Variants in ASTN2 observed in about 807,000 individuals in gnomAD.
The protein encoded by ASTN2 is astrotactin 2.
ASTN2 carries 54 observed loss-of-function variants against 139.8 expected under a neutral mutation model. The observed-to-expected ratio is 0.39, with a 90% CI of 0.31 to 0.48. ASTN2 has a LOEUF of 0.48. Among genes scored for constraint, ASTN2 ranks in the 20% least tolerant of loss-of-function variants. ASTN2 has a pLI of 0.95. For synonymous variants in ASTN2, 756 were observed against 719.5 expected (o/e 1.05, Z -0.81); for missense variants, 1,565 against 1,725.1 (o/e 0.91, Z 1.64).
chr9:116,909,003 G>A (rs1834241442), intron 10 of ASTN2, among the ~76,000 whole-genome samples: 1 of 152,110 alleles, frequency 6.6e-6, no homozygotes, highest in African/African-American at 2.4e-5. Flanking sequence ...GTGGGATGGT[G>A]GTAGGAACTG....
intron 4 of ASTN2, among the ~76,000 whole-genome samples, chr9:117,134,907 G>A (rs1226896990): frequency 5.9e-5 from 9 of 152,198 alleles, no homozygotes; most frequent in Admixed American, 5.9e-4. Context: ...GCACTATCCA[G>A]TGACGTAACA....
intron 5 of ASTN2, among the ~76,000 whole-genome samples, chr9:117,083,679 G>A (rs1354758470): frequency 6.6e-6 from 1 of 152,162 alleles, no homozygotes; most frequent in Non-Finnish European, 1.5e-5. Context: ...GCGGGTGGGG[G>A]AATCCTGCTG....
chr9:116,837,488 G>A (rs544132848), intron 11 of ASTN2, among the ~76,000 whole-genome samples: 6 of 152,262 alleles, frequency 3.9e-5, no homozygotes, highest in Non-Finnish European at 5.9e-5. Flanking sequence ...GGGCTCCCCC[G>A]AGCTTCTTCC....
At position 116,538,460 on chromosome 9, in the gene ASTN2, C is replaced by T. The variant is rs530519588; in HGVS notation, c.3356-50960G>A. Among the ~76,000 whole-genome samples the T allele has an allele frequency of 2.3e-3, 353 of 151,168 alleles. 6 individuals are homozygous for T. Among genetic ancestry groups the T allele is most frequent in the Middle Eastern group, 0.017 (5 of 294 alleles). On this transcript the variant is annotated intron_variant, in intron 19 of 22. Transcript: ENST00000313400. ...GGCCCATGACTTTGTATTTTAAAAA[C>T]TTTCTTCAGGTGATTCTCATACCCA... is the stretch of plus-strand genomic sequence containing the variant.
chr9:116,803,953 CACCAT>C (rs1382060901), intron 13 of ASTN2, among the ~76,000 whole-genome samples: 1 of 151,968 alleles, frequency 6.6e-6, no homozygotes, highest in Non-Finnish European at 1.5e-5. Context: ...AGGTGTGAGC[CACCAT>C]GCCTGGCTCG....
chr9:116,651,153 G>A (rs1343481968), intron 17 of ASTN2, among the ~76,000 whole-genome samples: 1 of 151,918 alleles, frequency 6.6e-6, no homozygotes, highest in Non-Finnish European at 1.5e-5. Flanking sequence ...CTGACCTCAG[G>A]TAATCCACCC....
chr9:117,214,779 G>A (rs1490177016), intron 2 of ASTN2, 37 bp from the exon 3 acceptor site: 8 of 1,436,716 alleles, frequency 5.6e-6, no homozygotes, highest in Non-Finnish European at 7.3e-6. Flanking sequence ...ATGGGCCACT[G>A]TTCTTTGGAA....
At chr9:116,925,481 G>T (rs963545799) in intron 10 of ASTN2, among the ~76,000 whole-genome samples, 1 of 152,180 alleles carries the variant, frequency 6.6e-6, no homozygotes. Flanking sequence ...GACAAGTCAG[G>T]CTCCTTTTCC....
At chr9:116,647,922 C>T (rs534354670) in intron 17 of ASTN2, among the ~76,000 whole-genome samples, 3 of 152,224 alleles carry the variant, frequency 2.0e-5, no homozygotes, top group South Asian at 4.1e-4. Flanking sequence ...GCGCTTGATG[C>T]GCTCAAGCGA....
At chr9:117,395,787 G>A (rs1213819926) in intron 1 of ASTN2, among the ~76,000 whole-genome samples, 1 of 152,034 alleles carries the variant, frequency 6.6e-6, no homozygotes, top group Admixed American at 6.5e-5. Context: ...ACAAGGTGAG[G>A]GCAAAAAGGA....
At chr9:116,532,272 G>A (rs1008656278) in intron 19 of ASTN2, among the ~76,000 whole-genome samples, 2 of 152,176 alleles carry the variant, frequency 1.3e-5, no homozygotes, top group African/African-American at 4.8e-5. Flanking sequence ...CCCTTTGTCA[G>A]ATGAGTAGAT....
intron 17 of ASTN2, among the ~76,000 whole-genome samples, chr9:116,645,562 A>G (rs1857549325): frequency 6.6e-6 from 1 of 152,082 alleles, no homozygotes; most frequent in African/African-American, 2.4e-5. Context: ...AAAATACCCC[A>G]CAAACCTCAG....
chr9:117,271,467 G>A (rs900680437), intron 2 of ASTN2, among the ~76,000 whole-genome samples: 5 of 152,138 alleles, frequency 3.3e-5, no homozygotes, highest in Non-Finnish European at 7.3e-5. Flanking sequence ...CAAATCTCAT[G>A]TCCTTACATT....
chr9:117,382,101 G>T (rs982749077), intron 1 of ASTN2, among the ~76,000 whole-genome samples: 3 of 152,110 alleles, frequency 2.0e-5, no homozygotes, highest in African/African-American at 7.2e-5. Context: ...TGCTGATGGG[G>T]AATTCTATGC....
chr9:116,969,566 C>T (rs1320051828), intron 10 of ASTN2, among the ~76,000 whole-genome samples: 5 of 152,044 alleles, frequency 3.3e-5, no homozygotes. Context: ...AAACAGAGTG[C>T]ACCAGAGAAA....
In ASTN2 at chr9:116,751,058, C is replaced by G. The variant is rs185417539; in HGVS notation, c.2397-17535G>C. Reference sequence around the variant, plus strand: ...CTGAGCCTCAGGTTTGTCTATAATACCCTACTCCACTCATAGAGAGAGGGC... The same window carrying G: ...CTGAGCCTCAGGTTTGTCTATAATAGCCTACTCCACTCATAGAGAGAGGGC... On this transcript the variant is annotated intron_variant, in intron 13 of 22. Transcript: ENST00000313400. Among the ~76,000 whole-genome samples, 276 of 152,208 alleles carry G rather than the reference C, an allele frequency of 1.8e-3. 2 individuals carry two copies. The highest frequency in any genetic ancestry group is 3.2e-3 in the Non-Finnish European group (220 of 68,026).
chr9:117,286,846 C>T (rs1210119020), intron 2 of ASTN2, among the ~76,000 whole-genome samples: 1 of 152,230 alleles, frequency 6.6e-6, no homozygotes, highest in Non-Finnish European at 1.5e-5. Context: ...CTATAGCTAA[C>T]ATTTTAATAA....
intron 1 of ASTN2, among the ~76,000 whole-genome samples, chr9:117,312,720 C>T (rs75140075): frequency 0.017 from 2,649 of 152,258 alleles, 96 homozygotes; most frequent in African/African-American, 0.06. Flanking sequence ...TCCATATCAG[C>T]TCTGCCATTC....
chr9:116,903,291 A>AT (rs1367970185), intron 10 of ASTN2, among the ~76,000 whole-genome samples: 9 of 152,008 alleles, frequency 5.9e-5, no homozygotes, highest in African/African-American at 2.2e-4. Flanking sequence ...TTATCATGCT[A>AT]TTTTTTGTCT....
Sources: allele counts gnomAD v4.1 joint callset (sites outside exome capture counted in the v4.1 genomes callset), GRCh38; gene constraint gnomAD v4.1.1; transcripts MANE v1.5; gene names NCBI Gene and HGNC (gene_info 2026-07-23, HGNC 2026-07-21).